DCHS2: variants seen among roughly 807,000 people sequenced by gnomAD.
DCHS2 encodes protocadherin-23.
Under a neutral mutation model 182.4 loss-of-function variants are expected in DCHS2, and 142 were observed. The ratio of observed to expected loss-of-function variants is 0.78; its 90% CI spans 0.68 to 0.89. The LOEUF is 0.89. DCHS2 is among the 40% of genes least tolerant of loss of function. DCHS2 has a pLI of 0.00. For synonymous variants in DCHS2, 1,740 were observed against 1,663.3 expected (o/e 1.05, Z -1.12); for missense variants, 4,319 against 4,198.6 (o/e 1.03, Z -0.79).
chr4:154,262,933 C>T (rs956290564), intron 14 of DCHS2, among the ~76,000 whole-genome samples: 1 of 152,146 alleles, frequency 6.6e-6, no homozygotes, highest in African/African-American at 2.4e-5. Context: ...CATGTTTTTA[C>T]ACTAAAGTGG....
At chr4:154,420,246 CAGAT>C (rs35709774) in intron 1 of DCHS2, among the ~76,000 whole-genome samples, 17,223 of 144,134 alleles carry the variant, frequency 0.12, 1,180 homozygotes, top group Admixed American at 0.2. Flanking sequence ...GACAGACAGA[CAGAT>C]AGATAGATAG....
intron 1 of DCHS2, among the ~76,000 whole-genome samples, chr4:154,435,695 C>G (rs1733751408): frequency 1.3e-5 from 2 of 152,084 alleles, no homozygotes; most frequent in African/African-American, 4.8e-5. Context: ...TATATCCTCT[C>G]ATTTACCTCC....
chr4:154,278,800 A>G (rs1228158796), intron 13 of DCHS2, among the ~76,000 whole-genome samples: 2 of 152,068 alleles, frequency 1.3e-5, no homozygotes, highest in Non-Finnish European at 2.9e-5. Flanking sequence ...TCCTTCATAA[A>G]TGAAGGAGAG....
At chr4:154,458,702 T>G (rs1734875881) in intron 1 of DCHS2, among the ~76,000 whole-genome samples, 1 of 152,234 alleles carries the variant, frequency 6.6e-6, no homozygotes. Flanking sequence ...TACAAATATG[T>G]GCAGATATAT....
intron 6 of DCHS2, 121 bp downstream of exon 6, chr4:154,329,402 G>GA (rs910393561): frequency 9.7e-6 from 10 of 1,035,668 alleles, no homozygotes; most frequent in Non-Finnish European, 1.4e-5. Context: ...AGGTCTTCTA[G>GA]AAAAAGTATG....
At chr4:154,365,117 C>T (rs1730290353) in intron 3 of DCHS2, among the ~76,000 whole-genome samples, 1 of 151,950 alleles carries the variant, frequency 6.6e-6, no homozygotes, top group South Asian at 2.1e-4. Context: ...GACAGCTTGC[C>T]CACTGGGATT....
At chr4:154,360,119 AC>A (rs1730051035) in intron 3 of DCHS2, among the ~76,000 whole-genome samples, 1 of 152,092 alleles carries the variant, frequency 6.6e-6, no homozygotes, top group Non-Finnish European at 1.5e-5. Flanking sequence ...CTGCAAATGA[AC>A]ATAAAAATAT....
At chr4:154,456,422 A>C (rs1734770130) in intron 1 of DCHS2, among the ~76,000 whole-genome samples, 1 of 152,212 alleles carries the variant, frequency 6.6e-6, no homozygotes, top group African/African-American at 2.4e-5. Flanking sequence ...TCCAACGGAG[A>C]AGATAAGCAC....
chr4:154,332,975 T>C lies in DCHS2; in HGVS notation c.3233A>G (p.His1078Arg). 6.2e-7 allele frequency: 1 copy of C among 1,614,188 alleles called. No homozygotes were observed. ...VLTVVIEKRE[H>R]SPSWTFEHLV... The stretch of plus-strand genomic sequence containing the variant: ...ATGTTCGAAAGTCCAGGATGGGCTG[T>C]GTTCGCGTTTCTCGATAACGACTGT... The change falls in exon 5 of 20, where the codon CAC becomes CGC. Residue 1078 changes from histidine (H) to arginine (R), a missense_variant. Transcript: ENST00000357232.
chr4:154,306,174 A>G (rs987186396), intron 10 of DCHS2, among the ~76,000 whole-genome samples: 5 of 152,174 alleles, frequency 3.3e-5, no homozygotes, highest in African/African-American at 1.2e-4. Flanking sequence ...ATAGAATTCT[A>G]GTTTTATATA....
At chr4:154,426,815 T>C (rs1013111390) in intron 1 of DCHS2, among the ~76,000 whole-genome samples, 4 of 93,558 alleles carry the variant, frequency 4.3e-5, no homozygotes, top group Non-Finnish European at 1.1e-4. Context: ...ACTAAAAGAG[T>C]ATAATTGGAT....
intron 3 of DCHS2, among the ~76,000 whole-genome samples, 175 bp downstream of exon 3, chr4:154,366,035 C>T (rs1426576446): frequency 2.0e-5 from 3 of 152,100 alleles, no homozygotes; most frequent in Non-Finnish European, 2.9e-5. Context: ...CCAGGTCTAA[C>T]CCACTACAAA....
chr4:154,374,479 T>C (rs978173596), intron 2 of DCHS2: 6 of 152,248 alleles, frequency 3.9e-5, no homozygotes, highest in African/African-American at 1.2e-4. Context: ...TAATTACATA[T>C]ACTTGAATTA....
chr4:154,265,056 C>A (rs1040440769), intron 14 of DCHS2, among the ~76,000 whole-genome samples: 3 of 152,036 alleles, frequency 2.0e-5, no homozygotes, highest in Middle Eastern at 3.2e-3. Context: ...AGAAAAATAA[C>A]TATATAACTT....
chr4:154,350,107 G>A (rs76952361), intron 3 of DCHS2, among the ~76,000 whole-genome samples: 5,817 of 152,288 alleles, frequency 0.038, 134 homozygotes, highest in Middle Eastern at 0.061. Context: ...ATAAGGAAAC[G>A]CGTAGGCTCT....
chr4:154,318,463 A>G (rs1025087035), intron 9 of DCHS2, among the ~76,000 whole-genome samples: 2 of 152,032 alleles, frequency 1.3e-5, no homozygotes, highest in Non-Finnish European at 2.9e-5. Flanking sequence ...GATCTTATAT[A>G]TAGAAAATCC....
intron 4 of DCHS2, chr4:154,334,517 C>T (rs1454469720): frequency 2.9e-5 from 6 of 209,458 alleles, no homozygotes. Flanking sequence ...GAAAGAAGCT[C>T]TATAACAACA....
At chr4:154,331,488 A>T in intron 5 of DCHS2, 1 of 1,376,644 alleles carries the variant, frequency 7.3e-7, no homozygotes, top group Non-Finnish European at 9.8e-7. Context: ...CAGGAGTCTC[A>T]GTTTAGGGAG....
intron 1 of DCHS2, among the ~76,000 whole-genome samples, chr4:154,484,709 C>T (rs1442987034): frequency 5.9e-5 from 9 of 152,196 alleles, no homozygotes; most frequent in Admixed American, 5.9e-4. Context: ...ATATAAATTA[C>T]TTCCACAGTT....
Sources: gnomAD v4.1 joint callset for allele counts (sites outside exome capture counted in the v4.1 genomes callset) on GRCh38, gnomAD v4.1.1 for gene constraint, MANE v1.5 for transcripts, NCBI Gene and HGNC (gene_info 2026-07-23, HGNC 2026-07-21) for gene names.